The following NAV1 variants were observed in gnomAD, a reference collection of about 807,000 sequenced individuals.
NAV1 encodes pore membrane and/or filament interacting like protein 3.
Under a neutral mutation model 175.2 loss-of-function variants are expected in NAV1, and 18 were observed. That is an observed-to-expected ratio of 0.10 (90% CI 0.07 to 0.15). The LOEUF is 0.15. Ranked by LOEUF, NAV1 falls within the 10% of genes least tolerant of loss-of-function variation. The probability of loss-of-function intolerance (pLI) is 1.00; values close to 1 mark genes in which losing one functional copy is unlikely to be tolerated. For synonymous variants in NAV1, 897 were observed against 978.7 expected (o/e 0.92, Z 1.56); for missense variants, 1,731 against 2,436.6 (o/e 0.71, Z 6.10).
rs1457048076 is a variant in NAV1 at position 201,570,532 on chromosome 1, G to A, written c.-143-18007G>A. On this transcript the variant is annotated intron_variant, in intron 1 of 33. Coordinates refer to the NAV1 transcript ENST00000685211. The stretch of plus-strand genomic sequence containing the variant: ...GAGGATAATAGGTCCTCAGGGCTGG[G>A]TGTGGTGAAACAACCAGAGAGGCCA... Among the ~76,000 whole-genome samples the A allele has an allele frequency of 3.9e-5, 6 of 152,266 alleles. No homozygotes were observed. The East Asian group carries it at 9.6e-4, about 24-fold the overall frequency.
intron 1 of NAV1, among the ~76,000 whole-genome samples, chr1:201,576,134 G>A (rs959258500): frequency 2.2e-4 from 33 of 152,148 alleles, no homozygotes; most frequent in African/African-American, 7.2e-4. Flanking sequence ...CCCTCATGTC[G>A]CCCTTTTAAA....
intron 1 of NAV1, among the ~76,000 whole-genome samples, chr1:201,549,133 TTC>T (rs1472719124): frequency 2.1e-5 from 3 of 144,218 alleles, no homozygotes; most frequent in African/African-American, 7.5e-5. Context: ...CTTTCTTTCT[TTC>T]TTTCTTTCTT....
chr1:201,613,576 G>A (rs1359109388), intron 2 of NAV1, among the ~76,000 whole-genome samples: 1 of 152,130 alleles, frequency 6.6e-6, no homozygotes, highest in African/African-American at 2.4e-5. Context: ...AATTCACTTA[G>A]TCTTGGCTAG....
chr1:201,815,965 C>A (rs1679006278), intron 28 of NAV1, among the ~76,000 whole-genome samples: 1 of 152,076 alleles, frequency 6.6e-6, no homozygotes, highest in South Asian at 2.1e-4. Context: ...CTCGAACTCC[C>A]AGCCTCAGGC....
At chr1:201,629,609 T>G in intron 2 of NAV1, 102 bp downstream of exon 4, 2 of 669,512 alleles carry the variant, frequency 3.0e-6, no homozygotes, top group Non-Finnish European at 4.4e-6. Context: ...GGTCCATCTC[T>G]TGACAAGGAG....
chr1:201,556,114 G>A (rs1398540252), intron 1 of NAV1, among the ~76,000 whole-genome samples: 6 of 152,164 alleles, frequency 3.9e-5, no homozygotes, highest in Admixed American at 6.5e-5. Context: ...ACAGTATAAC[G>A]CTCTTTTATA....
chr1:201,548,513 A>T (rs1456821798), intron 1 of NAV1, among the ~76,000 whole-genome samples: 3 of 152,306 alleles, frequency 2.0e-5, no homozygotes, highest in East Asian at 3.9e-4. Flanking sequence ...GTGAGCTATG[A>T]TTGCACGACT....
intron 3 of NAV1, among the ~76,000 whole-genome samples, chr1:201,722,332 C>A (rs1238205985): frequency 1.3e-5 from 2 of 152,172 alleles, no homozygotes; most frequent in Non-Finnish European, 2.9e-5. Flanking sequence ...TCTAGGTAAC[C>A]CATATAAGTG....
At chr1:201,818,558 A>G (rs1021333144) in intron 29 of NAV1, among the ~76,000 whole-genome samples, 1 of 151,954 alleles carries the variant, frequency 6.6e-6, no homozygotes, top group Non-Finnish European at 1.5e-5. Context: ...ATGAGTAGAC[A>G]TTTGGCTAGA....
At chr1:201,590,676 G>A (rs978090603) in intron 2 of NAV1, among the ~76,000 whole-genome samples, 4 of 152,186 alleles carry the variant, frequency 2.6e-5, no homozygotes, top group Non-Finnish European at 5.9e-5. Flanking sequence ...TGAGGCTTGC[G>A]CGCGGGGCCA....
chr1:201,579,620 C>T (rs1026124901), intron 1 of NAV1, among the ~76,000 whole-genome samples: 7 of 152,118 alleles, frequency 4.6e-5, no homozygotes, highest in Non-Finnish European at 8.8e-5. Context: ...CCTCTCAAAA[C>T]GCTGGGATTA....
intron 1 of NAV1, among the ~76,000 whole-genome samples, chr1:201,541,110 GT>G (rs1413678459): frequency 2.0e-5 from 3 of 152,040 alleles, no homozygotes; most frequent in Non-Finnish European, 4.4e-5. Flanking sequence ...TTTTGTTTTT[GT>G]TGATTGTCAG....
chr1:201,771,437 T>G (rs931342110), intron 3 of NAV1, among the ~76,000 whole-genome samples: 3 of 145,358 alleles, frequency 2.1e-5, no homozygotes, highest in African/African-American at 7.7e-5. Context: ...AGGCGGAGGT[T>G]GCAGTGAGCC....
upstream of NAV1, among the ~76,000 whole-genome samples, chr1:201,621,392 G>C (rs1668167697): frequency 1.4e-5 from 2 of 142,282 alleles, no homozygotes; most frequent in South Asian, 4.4e-4. Flanking sequence ...GGAGTGCAGT[G>C]GTGCAATCTC....
At chr1:201,744,416 A>G (rs2102570348) in intron 3 of NAV1, among the ~76,000 whole-genome samples, 1 of 152,174 alleles carries the variant, frequency 6.6e-6, no homozygotes, top group South Asian at 2.1e-4. Flanking sequence ...GGTACTGGCG[A>G]TAGAATAGTG....
intron 1 of NAV1, among the ~76,000 whole-genome samples, chr1:201,553,967 G>A (rs1665940543): frequency 6.6e-6 from 1 of 152,234 alleles, no homozygotes; most frequent in South Asian, 2.1e-4. Flanking sequence ...GGTTTTGAGA[G>A]TTAAGCTGGT....
chr1:201,617,879 T>C (rs563277807), intron 2 of NAV1, among the ~76,000 whole-genome samples: 4 of 152,316 alleles, frequency 2.6e-5, no homozygotes, highest in African/African-American at 9.6e-5. Flanking sequence ...AGACAGAATA[T>C]GAGGCAGTAG....
At chr1:201,742,171 T>C (rs1673465940) in intron 3 of NAV1, among the ~76,000 whole-genome samples, 1 of 152,204 alleles carries the variant, frequency 6.6e-6, no homozygotes, top group African/African-American at 2.4e-5. Flanking sequence ...GAGGGGGAGC[T>C]TAGCCCAAGC....
At chr1:201,591,443 G>T (rs1179522219) in intron 2 of NAV1, among the ~76,000 whole-genome samples, 4 of 152,206 alleles carry the variant, frequency 2.6e-5, no homozygotes, top group Admixed American at 2.6e-4. Context: ...CCAGGGCTCA[G>T]TTGCCTTTGA....
Sources: allele counts gnomAD v4.1 joint callset (sites outside exome capture counted in the v4.1 genomes callset), GRCh38; gene constraint gnomAD v4.1.1; transcripts MANE v1.5; gene names NCBI Gene and HGNC (gene_info 2026-07-23, HGNC 2026-07-21).